The following CCDC175 variants were observed in gnomAD, a reference collection of about 807,000 sequenced individuals.
CCDC175 encodes coiled-coil domain containing 175.
Under a neutral mutation model 114.6 loss-of-function variants are expected in CCDC175, and 100 were observed. That is an observed-to-expected ratio of 0.87 (90% CI 0.74 to 1.03). CCDC175 has a LOEUF of 1.03. Ranked by LOEUF, CCDC175 falls within the 50% of genes least tolerant of loss-of-function variation. CCDC175 has a pLI of 0.00. For synonymous variants in CCDC175, 306 were observed against 308.7 expected, an observed-to-expected ratio of 0.99 and a Z score of 0.09; for missense variants, 880 against 917.8, an observed-to-expected ratio of 0.96 and a Z score of 0.53.
intron 19 of CCDC175, among the ~76,000 whole-genome samples, chr14:59,510,021 C>T (rs1892655450): frequency 6.6e-6 from 1 of 152,174 alleles, no homozygotes. Context: ...CCCATCTTCC[C>T]AGATGATTCT....
chr14:59,532,947 T>C (rs944479758), intron 13 of CCDC175, among the ~76,000 whole-genome samples: 2 of 152,252 alleles, frequency 1.3e-5, no homozygotes, highest in African/African-American at 4.8e-5. Context: ...CTTTTAGTTT[T>C]GGTTTTCATT....
intron 17 of CCDC175, among the ~76,000 whole-genome samples, chr14:59,514,412 C>T (rs1158931055): frequency 6.6e-6 from 1 of 151,994 alleles, no homozygotes. Flanking sequence ...AAGTTAAAAA[C>T]CTTGAAAAAA....
At chr14:59,554,125 T>G (rs1389364547) in intron 7 of CCDC175, among the ~76,000 whole-genome samples, 1 of 152,200 alleles carries the variant, frequency 6.6e-6, no homozygotes, top group Non-Finnish European at 1.5e-5. Context: ...CTAATAGACA[T>G]CTACAGAACT....
chr14:59,566,634 G>T (rs564079408), intron 4 of CCDC175, among the ~76,000 whole-genome samples: 63 of 152,270 alleles, frequency 4.1e-4, no homozygotes, highest in African/African-American at 1.5e-3. Context: ...ACCTCACTAG[G>T]TGTGTTGTGA....
chr14:59,536,556 C>T (rs1894407625), intron 13 of CCDC175, among the ~76,000 whole-genome samples: 1 of 151,688 alleles, frequency 6.6e-6, no homozygotes, highest in East Asian at 2.0e-4. Flanking sequence ...CACCCCGCCT[C>T]CTCTCCCCCC....
At chr14:59,527,664 T>C (rs1036143885) in intron 14 of CCDC175, among the ~76,000 whole-genome samples, 14 of 152,134 alleles carry the variant, frequency 9.2e-5, no homozygotes, top group African/African-American at 3.4e-4. Context: ...TAAAGATTGC[T>C]TTGTTTAAAA....
At chr14:59,548,231 C>T (rs549820100) in intron 8 of CCDC175, among the ~76,000 whole-genome samples, 21 of 151,802 alleles carry the variant, frequency 1.4e-4, no homozygotes, top group Non-Finnish European at 2.2e-4. Flanking sequence ...CCCAATTATA[C>T]GCAAAATCTA....
chr14:59,524,746 C>CA (rs1566602066), intron 16 of CCDC175, among the ~76,000 whole-genome samples: 1 of 151,702 alleles, frequency 6.6e-6, no homozygotes, highest in African/African-American at 2.4e-5. Context: ...GTATGTTCAC[C>CA]AAAAAAACAT....
intron 7 of CCDC175, among the ~76,000 whole-genome samples, chr14:59,560,549 T>C (rs1266467852): frequency 6.6e-6 from 1 of 152,162 alleles, no homozygotes; most frequent in Non-Finnish European, 1.5e-5. Flanking sequence ...TAGCCAGACA[T>C]TGCCATGTGC....
Position 59,511,630 on chromosome 14 carries a change from G to A in CCDC175, c.2142+130C>T, listed in dbSNP as rs918159749. The A allele has an allele frequency of 7.5e-6, 4 of 530,402 alleles. No individual in the cohort carries two copies. The East Asian group carries it at 9.7e-5, about 13-fold the overall frequency. 32.9% of individuals were successfully genotyped at this position (530,402 alleles called of 1,614,324 possible). A position where few individuals can be genotyped will look rare whatever the true frequency, so the allele number is the denominator to read the frequency against. On this transcript the variant is annotated intron_variant, in intron 18 of 19. Transcript: ENST00000537690. Reference sequence around the variant, plus strand: ...GGACTGCAGGGGAGTGAGAGAGCTAGTGTGAATTTCCACCCTGATGCGTGC... The same window carrying A: ...GGACTGCAGGGGAGTGAGAGAGCTAATGTGAATTTCCACCCTGATGCGTGC...
chr14:59,567,109 T>C (rs17096402), intron 4 of CCDC175, among the ~76,000 whole-genome samples: 1 of 152,236 alleles, frequency 6.6e-6, no homozygotes, highest in Non-Finnish European at 1.5e-5. Context: ...AGGAATGTGA[T>C]GTTGCTGACC....
chr14:59,563,610 T>C, intron 6 of CCDC175, 127 bp downstream of exon 6: 1 of 518,392 alleles, frequency 1.9e-6, no homozygotes, highest in South Asian at 7.3e-5. Flanking sequence ...TTAAAGAAAG[T>C]GTCAGAAAAT....
chr14:59,538,108 T>C lies in CCDC175; in HGVS notation c.1538A>G (p.Glu513Gly). 1 of 1,534,774 alleles carries C rather than the reference T, an allele frequency of 6.5e-7. No individual in the cohort carries two copies. The highest frequency in any genetic ancestry group is 8.7e-7 in the Non-Finnish European group (1 of 1,144,700). The change falls in exon 13 of 20, where the codon GAA becomes GGA. Residue 513 changes from glutamate to glycine, a missense_variant. Coordinates refer to ENST00000537690, the MANE Select transcript of CCDC175 (RefSeq NM_001164399.2). ...TTCTTTTAATTCTGTTGTAAGTTTTTCAATCTGTGCCACAAATCCACTGAT... is the reference window on the plus strand; with the variant it reads ...TTCTTTTAATTCTGTTGTAAGTTTTCCAATCTGTGCCACAAATCCACTGAT... Reference protein sequence around the residue: ...QEISGFVAQIEKLTTELKEEE... With the variant: ...QEISGFVAQIGKLTTELKEEE...
chr14:59,567,573 CCTAT>C (rs1293058584), intron 4 of CCDC175, among the ~76,000 whole-genome samples: 1 of 152,124 alleles, frequency 6.6e-6, no homozygotes, highest in Non-Finnish European at 1.5e-5. Flanking sequence ...TTCAAGGGGG[CCTAT>C]CTTTCAGAAT....
chr14:59,531,525 A>G (rs1038027549), intron 14 of CCDC175, among the ~76,000 whole-genome samples: 1 of 152,248 alleles, frequency 6.6e-6, no homozygotes, highest in African/African-American at 2.4e-5. Context: ...ATAATATGGT[A>G]AAGGACTAAG....
intron 11 of CCDC175, 81 bp downstream of exon 11, chr14:59,540,594 C>G: frequency 7.1e-7 from 1 of 1,400,946 alleles, no homozygotes; most frequent in South Asian, 1.3e-5. Context: ...AACAAGTACT[C>G]TGCACTGTTC....
At chr14:59,511,651 C>A in intron 18 of CCDC175, 109 bp downstream of exon 18, 1 of 720,728 alleles carries the variant, frequency 1.4e-6, no homozygotes. Context: ...CACCCTGATG[C>A]GTGCATGCAG....
At position 59,510,828 on chromosome 14, in the gene CCDC175, G is replaced by A. The variant is rs1436751441; in HGVS notation, c.2143-20C>T. 6.5e-7 allele frequency: 1 copy of A among 1,528,708 alleles called. No homozygotes were observed. Among genetic ancestry groups the A allele is most frequent in the Non-Finnish European group, 8.8e-7 (1 of 1,141,006 alleles). The allele number at this position is 1,528,708 out of a possible 1,614,324, so 94.7% of individuals were successfully genotyped here. A position where few individuals can be genotyped will look rare whatever the true frequency, so the allele number is the denominator to read the frequency against. On this transcript the variant is annotated intron_variant, in intron 18 of 19. Transcript: ENST00000537690. Reference sequence around the variant, plus strand: ...CAAGATCTAAAGAAATGGCATTTTAGGCTGTGTCAATATAAATTGCTACAA... The same window carrying A: ...CAAGATCTAAAGAAATGGCATTTTAAGCTGTGTCAATATAAATTGCTACAA...
At chr14:59,515,813 A>C (rs1285752283) in intron 17 of CCDC175, among the ~76,000 whole-genome samples, 1 of 152,218 alleles carries the variant, frequency 6.6e-6, no homozygotes, top group African/African-American at 2.4e-5. Context: ...TGCACCAAGC[A>C]GACCTAACAG....
Sources: allele counts gnomAD v4.1 joint callset (sites outside exome capture counted in the v4.1 genomes callset), GRCh38; gene constraint gnomAD v4.1.1; transcripts MANE v1.5; gene names NCBI Gene and HGNC (gene_info 2026-07-23, HGNC 2026-07-21).